Variants in PDE12 observed in about 807,000 individuals in gnomAD.
The protein encoded by PDE12 is phosphodiesterase 12.
PDE12 carries 26 observed loss-of-function variants against 45.4 expected under a neutral mutation model. That is an observed-to-expected ratio of 0.57 (90% CI 0.42 to 0.79). PDE12 has a LOEUF of 0.79. Among genes scored for constraint, PDE12 ranks in the 30% least tolerant of loss-of-function variants. The pLI, the probability that PDE12 is intolerant of heterozygous loss-of-function variation, is 0.00. For missense variants in PDE12, 668 were observed against 790.0 expected, an observed-to-expected ratio of 0.85 and a Z score of 1.85; for synonymous variants, 283 against 323.9, an observed-to-expected ratio of 0.87 and a Z score of 1.36.
chr3:57,639,783 C>CT, the PDE12 span, among the ~76,000 whole-genome samples: 1 of 149,354 alleles, frequency 6.7e-6, no homozygotes, highest in Non-Finnish European at 1.5e-5. Context: ...GCTTTTTCCT[C>CT]TATTTCATAA....
chr3:57,626,986 CA>C, the PDE12 span: 1 of 152,008 alleles, frequency 6.6e-6, no homozygotes, highest in South Asian at 2.1e-4. Flanking sequence ...TATCATCACT[CA>C]AATAAGTATC....
the PDE12 span, among the ~76,000 whole-genome samples, chr3:57,604,411 A>C: frequency 6.6e-6 from 1 of 151,976 alleles, no homozygotes; most frequent in Non-Finnish European, 1.5e-5. Flanking sequence ...TCATGTATCT[A>C]TATGGTTCTC....
chr3:57,635,553 C>T, the PDE12 span, among the ~76,000 whole-genome samples: 2 of 152,210 alleles, frequency 1.3e-5, no homozygotes, highest in East Asian at 3.9e-4. Context: ...GAAAGACAAT[C>T]TAGAGATTAT....
At chr3:57,594,478 A>C in the PDE12 span, among the ~76,000 whole-genome samples, 2 of 152,230 alleles carry the variant, frequency 1.3e-5, no homozygotes, top group Admixed American at 6.5e-5. Context: ...TCTGTCAATC[A>C]ATAGTTCAGA....
Position 57,561,213 on chromosome 3 carries a change from ATTACT to A in PDE12, c.*1213_*1217del. 1.0e-6 allele frequency: 1 copy of A among 984,820 alleles called. No homozygotes were observed. The highest frequency in any genetic ancestry group is 1.2e-6 in the Non-Finnish European group (1 of 828,994). 61.0% of individuals were successfully genotyped at this position (984,820 alleles called of 1,614,324 possible). A position where few individuals can be genotyped will look rare whatever the true frequency, so the allele number is the denominator to read the frequency against. On this transcript the variant is annotated 3_prime_UTR_variant, in exon 3 of 3. Transcript: ENST00000311180. ...CATATGATATTAGAAAATACAGCAC[ATTACT>A]TTATGAGAAACTACCTACTGATATG...
At chr3:57,632,316 G>A in the PDE12 span, among the ~76,000 whole-genome samples, 11 of 151,848 alleles carry the variant, frequency 7.2e-5, no homozygotes, top group East Asian at 1.9e-3. Context: ...GAGCCACCAC[G>A]CCCAGTCCAT....
rs917434512 is a variant in PDE12 at position 57,565,852 on chromosome 3, C to G, written c.*5848C>G. ...AAAAAAGGATTTATTGCATATAATT[C>G]TTATATCCCCTGTGGAATAGTTTGG... On this transcript the variant is annotated 3_prime_UTR_variant, in exon 3 of 3. Coordinates refer to ENST00000311180, the MANE Select transcript of PDE12 (RefSeq NM_177966.7). 6.6e-6 allele frequency: 1 copy of G among 152,048 alleles called. No individual in the cohort carries two copies. Among genetic ancestry groups the G allele is most frequent in the Non-Finnish European group, 1.5e-5 (1 of 68,006 alleles). The allele number at this position is 152,048 out of a possible 1,614,324, so 9.4% of individuals were successfully genotyped here.
chr3:57,650,348 A>T, the PDE12 span, among the ~76,000 whole-genome samples: 3 of 152,004 alleles, frequency 2.0e-5, no homozygotes, highest in Non-Finnish European at 4.4e-5. Context: ...TTGATTACTA[A>T]CAGAGGTATT....
downstream of PDE12, among the ~76,000 whole-genome samples, chr3:57,567,311 C>CA (rs373564365): frequency 0.066 from 7,561 of 115,048 alleles, 219 homozygotes; most frequent in South Asian, 0.1. Flanking sequence ...GACTCCGTGT[C>CA]AAAAAAAAAA....
the PDE12 span, among the ~76,000 whole-genome samples, chr3:57,587,069 A>G: frequency 6.6e-6 from 1 of 152,138 alleles, no homozygotes; most frequent in Admixed American, 6.6e-5. Context: ...CTGTAATCAC[A>G]GTACTTTGGG....
the PDE12 span, among the ~76,000 whole-genome samples, chr3:57,593,781 AC>A: frequency 6.6e-6 from 1 of 152,166 alleles, no homozygotes; most frequent in African/African-American, 2.4e-5. Context: ...TCGCCCTGTA[AC>A]CCTAGCACTT....
chr3:57,604,353 G>A, the PDE12 span, among the ~76,000 whole-genome samples: 1 of 151,972 alleles, frequency 6.6e-6, no homozygotes, highest in South Asian at 2.1e-4. Flanking sequence ...TGTCTTCATG[G>A]TAAATGGTGG....
At chr3:57,634,850 CT>C in the PDE12 span, 1 of 1,109,122 alleles carries the variant, frequency 9.0e-7, no homozygotes, top group African/African-American at 1.6e-5. Context: ...GATTTATAAT[CT>C]GTTTATTACT....
the PDE12 span, among the ~76,000 whole-genome samples, chr3:57,602,005 T>G: frequency 6.6e-6 from 1 of 151,922 alleles, no homozygotes; most frequent in Non-Finnish European, 1.5e-5. Flanking sequence ...TCTGCCCACC[T>G]CGGCCTCCCA....
the PDE12 span, chr3:57,584,320 CTA>C: frequency 7.5e-7 from 1 of 1,326,164 alleles, no homozygotes. Flanking sequence ...AATCTCAAAA[CTA>C]GACTGTATAT....
At chr3:57,558,769 C>T (rs1254008393) in intron 1 of PDE12, among the ~76,000 whole-genome samples, 2 of 151,488 alleles carry the variant, frequency 1.3e-5, no homozygotes, top group African/African-American at 4.8e-5. Flanking sequence ...GGATTACAGG[C>T]GTGAGCCACC....
chr3:57,624,950 A>G, the PDE12 span, among the ~76,000 whole-genome samples: 1 of 152,084 alleles, frequency 6.6e-6, no homozygotes, highest in Non-Finnish European at 1.5e-5. Context: ...CCCAGGCGGG[A>G]GTGCAGTGGT....
the PDE12 span, chr3:57,641,572 A>G: frequency 1.6e-6 from 2 of 1,258,444 alleles, no homozygotes; most frequent in East Asian, 2.5e-5. Context: ...CATCAACATA[A>G]AAAATAATCA....
downstream of PDE12, among the ~76,000 whole-genome samples, chr3:57,568,068 C>CAAAAAAAAAAAAAAA (rs11360766): frequency 2.1e-5 from 1 of 47,534 alleles, no homozygotes; most frequent in African/African-American, 9.9e-5. Flanking sequence ...GACTCCATCT[C>CAAAAAAAAAAAAAAA]AAAAAAAAAA....
Sources: gnomAD v4.1 joint callset for allele counts (sites outside exome capture counted in the v4.1 genomes callset) on GRCh38, gnomAD v4.1.1 for gene constraint, MANE v1.5 for transcripts, NCBI Gene and HGNC (gene_info 2026-07-23, HGNC 2026-07-21) for gene names.